EPHB1: variants seen among roughly 807,000 people sequenced by gnomAD.
EPHB1 encodes ephrin type-B receptor 1.
Under a neutral mutation model 94.4 loss-of-function variants are expected in EPHB1, and 30 were observed. That is an observed-to-expected ratio of 0.32 (90% confidence interval 0.24 to 0.43). EPHB1 has a LOEUF of 0.43. Among genes scored for constraint, EPHB1 ranks in the 20% least tolerant of loss-of-function variants. EPHB1 has a pLI of 1.00. For synonymous variants in EPHB1, 522 were observed against 489.1 expected (o/e 1.07, Z -0.89); for missense variants, 1,055 against 1,308.3 (o/e 0.81, Z 2.99).
chr3:135,257,474 C>T (rs1356873857), intron 15 of EPHB1, among the ~76,000 whole-genome samples: 2 of 152,002 alleles, frequency 1.3e-5, no homozygotes, highest in Non-Finnish European at 2.9e-5. Flanking sequence ...GAGTACCCTG[C>T]CATGTGAGGT....
At position 135,052,860 on chromosome 3, in the gene EPHB1, C is replaced by CAAA. The variant is rs1193207059; in HGVS notation, c.806-53559_806-53557dup. Reference sequence around the variant, plus strand: ...TGGGCGACACAGCGAGACTCCGTCTCAAAAAAAAAAAAAAAAAAAAAAAAA... The same window carrying CAAA: ...TGGGCGACACAGCGAGACTCCGTCTCAAAAAAAAAAAAAAAAAAAAAAAAAAAA... On this transcript the variant is annotated intron_variant, in intron 3 of 15. Coordinates refer to ENST00000398015, the MANE Select transcript of EPHB1 (RefSeq NM_004441.5). Among the ~76,000 whole-genome samples the CAAA allele has an allele frequency of 8.5e-3, 103 of 12,098 alleles. 39 individuals are homozygous for CAAA. The highest frequency in any genetic ancestry group is 0.014 in the East Asian group (2 of 148). The allele number at this position is 12,098 out of a possible 152,430, so 7.9% of individuals were successfully genotyped here.
At chr3:135,164,248 T>C (rs2400444) in intron 7 of EPHB1, among the ~76,000 whole-genome samples, 150,875 of 152,352 alleles carry the variant, frequency 0.99, 74,719 homozygotes, top group East Asian at 1. Context: ...TCTTTAAAAT[T>C]GACTTCCGTC....
intron 3 of EPHB1, among the ~76,000 whole-genome samples, chr3:135,004,388 A>C (rs1337708421): frequency 1.3e-5 from 2 of 151,914 alleles, no homozygotes; most frequent in Non-Finnish European, 2.9e-5. Context: ...GGCTGCCCTT[A>C]ACATTTTTTC....
chr3:135,082,839 G>A (rs1410753097), intron 3 of EPHB1, among the ~76,000 whole-genome samples: 1 of 152,242 alleles, frequency 6.6e-6, no homozygotes, highest in East Asian at 1.9e-4. Context: ...GGTACTGGCA[G>A]GCTGATTCAT....
intron 3 of EPHB1, among the ~76,000 whole-genome samples, chr3:134,975,185 A>C (rs1934135479): frequency 6.6e-6 from 1 of 151,990 alleles, no homozygotes; most frequent in Non-Finnish European, 1.5e-5. Flanking sequence ...TGTTCTATTG[A>C]GTTAGGGAGT....
At chr3:134,848,032 A>G (rs1490538520) in intron 1 of EPHB1, among the ~76,000 whole-genome samples, 1 of 152,036 alleles carries the variant, frequency 6.6e-6, no homozygotes, top group East Asian at 1.9e-4. Context: ...GCATTTTTGT[A>G]TTTTCTGATG....
At chr3:134,884,505 G>A (rs1331028369) in intron 1 of EPHB1, among the ~76,000 whole-genome samples, 3 of 152,164 alleles carry the variant, frequency 2.0e-5, no homozygotes, top group Non-Finnish European at 4.4e-5. Context: ...TCAGAAGGTG[G>A]TCTATTTTTG....
At chr3:135,142,934 A>G (rs1940878256) in intron 5 of EPHB1, among the ~76,000 whole-genome samples, 1 of 152,132 alleles carries the variant, frequency 6.6e-6, no homozygotes, top group Admixed American at 6.5e-5. Flanking sequence ...AGGGTGCAGG[A>G]GATGGCGAGT....
chr3:134,929,971 G>A (rs1044632155), intron 2 of EPHB1, among the ~76,000 whole-genome samples: 1 of 152,302 alleles, frequency 6.6e-6, no homozygotes, highest in South Asian at 2.1e-4. Context: ...TTTCTCTGCA[G>A]TCAGGATACC....
chr3:135,152,758 T>C (rs1386304786), intron 5 of EPHB1, among the ~76,000 whole-genome samples: 1 of 152,166 alleles, frequency 6.6e-6, no homozygotes, highest in Non-Finnish European at 1.5e-5. Flanking sequence ...CTCTCATTCA[T>C]TGGCTGGGAG....
At chr3:135,077,218 T>C (rs1435771727) in intron 3 of EPHB1, among the ~76,000 whole-genome samples, 1 of 152,116 alleles carries the variant, frequency 6.6e-6, no homozygotes, top group Non-Finnish European at 1.5e-5. Context: ...GTGGGACAAG[T>C]CTCAGCCTCC....
intron 4 of EPHB1, among the ~76,000 whole-genome samples, chr3:135,124,508 AG>A (rs1940115837): frequency 6.6e-6 from 1 of 151,756 alleles, no homozygotes; most frequent in Non-Finnish European, 1.5e-5. Context: ...AGCCATCCTA[AG>A]TGACTGGCAC....
At chr3:134,819,122 G>A (rs1408016097) in intron 1 of EPHB1, among the ~76,000 whole-genome samples, 1 of 152,238 alleles carries the variant, frequency 6.6e-6, no homozygotes, top group Non-Finnish European at 1.5e-5. Context: ...ACAAGATAAT[G>A]TTTTGGCAGG....
At chr3:135,190,484 T>C (rs1275189590) in intron 10 of EPHB1, among the ~76,000 whole-genome samples, 1 of 152,220 alleles carries the variant, frequency 6.6e-6, no homozygotes, top group Non-Finnish European at 1.5e-5. Context: ...AGCATATATA[T>C]GCTACGTATC....
rs77920019 is a variant in EPHB1 at position 134,894,167 on chromosome 3, C to T, written c.59-31649C>T. On this transcript the variant is annotated intron_variant, in intron 1 of 15. Transcript: ENST00000398015. The stretch of plus-strand genomic sequence containing the variant: ...TTCCAAGGATCCTTGCAGCCCAGCA[C>T]GTGTGGGGCTCCTAATATTCCTGGA... Among the ~76,000 whole-genome samples the T allele has an allele frequency of 2.1e-3, 327 of 152,284 alleles. 2 individuals carry two copies. The highest frequency in any genetic ancestry group is 7.5e-3 in the African/African-American group (313 of 41,564).
intron 3 of EPHB1, among the ~76,000 whole-genome samples, chr3:135,074,424 A>G (rs1307660734): frequency 1.3e-5 from 2 of 152,158 alleles, no homozygotes; most frequent in African/African-American, 4.8e-5. Context: ...CCCAGATTTT[A>G]TAAGGAAAAA....
rs1933544028 is a variant in EPHB1 at position 135,259,167 on chromosome 3, C to G, written c.*47C>G. On this transcript the variant is annotated 3_prime_UTR_variant, in exon 16 of 16. Coordinates refer to ENST00000398015, the MANE Select transcript of EPHB1 (RefSeq NM_004441.5). ...GGAGAGGAGGGAAAAGGACCAGGGT[C>G]AAGGGGGACCAGAGGTTGACCACTG... is the stretch of plus-strand genomic sequence containing the variant. The G allele has an allele frequency of 1.4e-6, 2 of 1,451,858 alleles. No individual in the cohort carries two copies. Among genetic ancestry groups the G allele is most frequent in the South Asian group, 2.4e-5 (2 of 82,378 alleles). 89.9% of individuals were successfully genotyped at this position (1,451,858 alleles called of 1,614,324 possible).
At chr3:134,925,678 TG>T in intron 1 of EPHB1, 137 bp from the exon 2 acceptor site, 1 of 662,058 alleles carries the variant, frequency 1.5e-6, no homozygotes, top group Non-Finnish European at 2.5e-6. Flanking sequence ...CAGAGAGACC[TG>T]GGCTTGAAGA....
intron 3 of EPHB1, among the ~76,000 whole-genome samples, chr3:135,092,567 A>G (rs1246369906): frequency 1.3e-5 from 2 of 152,078 alleles, no homozygotes; most frequent in Non-Finnish European, 2.9e-5. Flanking sequence ...CATCTTCTCA[A>G]GGAGGGCACA....
Sources: allele counts gnomAD v4.1 joint callset (sites outside exome capture counted in the v4.1 genomes callset), GRCh38; gene constraint gnomAD v4.1.1; transcripts MANE v1.5; gene names NCBI Gene and HGNC (gene_info 2026-07-23, HGNC 2026-07-21).